Variants in CDC42BPA observed in about 807,000 individuals in gnomAD.
CDC42BPA encodes serine/threonine-protein kinase MRCK alpha.
CDC42BPA carries 80 observed loss-of-function variants against 223.5 expected under a neutral mutation model. The observed-to-expected ratio is 0.36, with a 90% confidence interval of 0.30 to 0.43. The LOEUF is 0.43. Ranked by LOEUF, CDC42BPA falls within the 20% of genes least tolerant of loss-of-function variation. CDC42BPA has a pLI of 1.00. For synonymous variants in CDC42BPA, 694 were observed against 718.6 expected (o/e 0.97, Z 0.55); for missense variants, 1,743 against 2,099.9 (o/e 0.83, Z 3.32).
chr1:227,026,181 C>A (rs369315165), intron 30 of CDC42BPA, 29 bp from the exon 31 acceptor site: 44 of 1,269,394 alleles, frequency 3.5e-5, no homozygotes, highest in Non-Finnish European at 4.8e-5. Flanking sequence ...GGGCAGCTTG[C>A]GGATTACTTT....
At chr1:227,018,635 C>A (rs969479745) in intron 32 of CDC42BPA, among the ~76,000 whole-genome samples, 2 of 151,888 alleles carry the variant, frequency 1.3e-5, no homozygotes, top group Non-Finnish European at 2.9e-5. Context: ...CAATCTTATA[C>A]AAATATGTGG....
At chr1:227,138,222 AT>A (rs1324101900) in intron 10 of CDC42BPA, among the ~76,000 whole-genome samples, 7 of 152,046 alleles carry the variant, frequency 4.6e-5, no homozygotes, top group Admixed American at 6.5e-5. Flanking sequence ...GTTCCTGATT[AT>A]TTGTCCATAA....
chr1:227,103,731 T>C (rs1685435447), intron 14 of CDC42BPA, among the ~76,000 whole-genome samples: 1 of 152,232 alleles, frequency 6.6e-6, no homozygotes, highest in South Asian at 2.1e-4. Context: ...CAATGATTAA[T>C]AAATGAAATT....
intron 1 of CDC42BPA, among the ~76,000 whole-genome samples, chr1:227,272,940 CTATT>C (rs1686204572): frequency 6.6e-6 from 1 of 152,134 alleles, no homozygotes; most frequent in Admixed American, 6.5e-5. Context: ...AGAGACTAAA[CTATT>C]TACTAACTCA....
intron 2 of CDC42BPA, among the ~76,000 whole-genome samples, chr1:227,214,017 T>A (rs889616436): frequency 6.6e-6 from 1 of 152,146 alleles, no homozygotes; most frequent in Admixed American, 6.6e-5. Flanking sequence ...GGACTTGCCA[T>A]AGGCCACAGG....
chr1:227,243,306 T>C (rs1357949082), intron 2 of CDC42BPA, among the ~76,000 whole-genome samples: 1 of 152,214 alleles, frequency 6.6e-6, no homozygotes, highest in African/African-American at 2.4e-5. Flanking sequence ...CCTGCAAGTG[T>C]ACCCCTGACC....
chr1:227,200,115 C>G (rs996665151), intron 3 of CDC42BPA, among the ~76,000 whole-genome samples: 1 of 96,492 alleles, frequency 1.0e-5, no homozygotes, highest in African/African-American at 3.6e-5. Flanking sequence ...TATATGTCTA[C>G]AAACAACAGA....
chr1:227,238,371 G>A (rs2813950), intron 2 of CDC42BPA, among the ~76,000 whole-genome samples: 94,787 of 151,346 alleles, frequency 0.63, 29,827 homozygotes, highest in East Asian at 0.74. Flanking sequence ...AAACAAACAC[G>A]ACATCTAAAC....
chr1:227,136,795 A>T (rs1365941173), intron 10 of CDC42BPA, among the ~76,000 whole-genome samples: 1 of 152,252 alleles, frequency 6.6e-6, no homozygotes, highest in Non-Finnish European at 1.5e-5. Context: ...AACCCAGCAC[A>T]AGTATTCTTC....
At chr1:227,263,390 T>G (rs1157752640) in intron 1 of CDC42BPA, among the ~76,000 whole-genome samples, 1 of 152,216 alleles carries the variant, frequency 6.6e-6, no homozygotes. Context: ...GCCAAGGTTC[T>G]CTTAAATCTT....
chr1:227,024,738 TATATTATTTAG>T (rs1262105887), intron 31 of CDC42BPA, among the ~76,000 whole-genome samples: 1 of 152,188 alleles, frequency 6.6e-6, no homozygotes, highest in Non-Finnish European at 1.5e-5. Flanking sequence ...AACTGAAAGA[TATATTATTTAG>T]GGATACTTAA....
At chr1:227,029,546 C>T (rs557913290) in intron 29 of CDC42BPA, among the ~76,000 whole-genome samples, 120 of 152,294 alleles carry the variant, frequency 7.9e-4, no homozygotes, top group African/African-American at 2.7e-3. Context: ...TTCTAGGGAA[C>T]GTCACCATAG....
intron 12 of CDC42BPA, among the ~76,000 whole-genome samples, chr1:227,119,276 A>T (rs1688254220): frequency 6.6e-6 from 1 of 152,132 alleles, no homozygotes; most frequent in African/African-American, 2.4e-5. Flanking sequence ...AGGCTTAGCT[A>T]TCAATAAATT....
At chr1:227,230,597 T>C (rs899025188) in intron 2 of CDC42BPA, among the ~76,000 whole-genome samples, 11 of 152,190 alleles carry the variant, frequency 7.2e-5, no homozygotes, top group African/African-American at 2.7e-4. Context: ...GTGAATGACA[T>C]CTTGTATCAT....
chr1:227,017,920 G>A (rs550713828), intron 32 of CDC42BPA, among the ~76,000 whole-genome samples: 168 of 151,964 alleles, frequency 1.1e-3, no homozygotes, highest in Non-Finnish European at 1.9e-3. Context: ...GAAGCCAAAC[G>A]AGCCTAGAAG....
chr1:227,291,557 AAAACAAAAAC>A (rs201958814), intron 1 of CDC42BPA, among the ~76,000 whole-genome samples: 9,032 of 152,048 alleles, frequency 0.059, 259 homozygotes, highest in Non-Finnish European at 0.072. Context: ...TCAAAAATTA[AAAACAAAAAC>A]AAACAAAAAA....
intron 5 of CDC42BPA, among the ~76,000 whole-genome samples, chr1:227,179,468 C>G (rs1667533132): frequency 6.6e-6 from 1 of 151,598 alleles, no homozygotes; most frequent in Non-Finnish European, 1.5e-5. Flanking sequence ...AACTCCGTCT[C>G]TACTAAAAAT....
chr1:227,067,159 G>A (rs2149018109), intron 21 of CDC42BPA, among the ~76,000 whole-genome samples: 1 of 152,258 alleles, frequency 6.6e-6, no homozygotes, highest in South Asian at 2.1e-4. Flanking sequence ...AGATGAGAAA[G>A]GATATTCCTG....
At chr1:227,242,408 C>G (rs999411573) in intron 2 of CDC42BPA, among the ~76,000 whole-genome samples, 1 of 151,816 alleles carries the variant, frequency 6.6e-6, no homozygotes, top group Non-Finnish European at 1.5e-5. Context: ...AAGATCTTCT[C>G]TATTACAATA....
Sources: allele counts gnomAD v4.1 joint callset (sites outside exome capture counted in the v4.1 genomes callset), GRCh38; gene constraint gnomAD v4.1.1; transcripts MANE v1.5; gene names NCBI Gene and HGNC (gene_info 2026-07-23, HGNC 2026-07-21).